The following EDDM3A variants were observed in gnomAD, a reference collection of about 807,000 sequenced individuals.
EDDM3A encodes the protein epididymal secretory protein E3-alpha.
For missense variants in EDDM3A, 199 were observed against 177.4 expected, an observed-to-expected ratio of 1.12 and a Z score of -0.69; for synonymous variants, 75 against 60.4, an observed-to-expected ratio of 1.24 and a Z score of -1.12.
chr14:20,745,784 A>T (rs1037429532), upstream of EDDM3A: 5 of 152,194 alleles, frequency 3.3e-5, no homozygotes, highest in Admixed American at 2.6e-4. Context: ...ATGAAACGAT[A>T]CAGGGACAAG....
chr14:20,741,114 AC>A (rs1480238393), upstream of EDDM3A, among the ~76,000 whole-genome samples: 1 of 152,128 alleles, frequency 6.6e-6, no homozygotes, highest in African/African-American at 2.4e-5. Context: ...CCATAATCCT[AC>A]CTGGACCAAT....
the EDDM3A span, among the ~76,000 whole-genome samples, chr14:20,737,309 A>G: frequency 0.4 from 61,375 of 151,788 alleles, 12,655 homozygotes; most frequent in Middle Eastern, 0.57. Flanking sequence ...TGATCTGCCC[A>G]CCTCGGCTTC....
upstream of EDDM3A, among the ~76,000 whole-genome samples, chr14:20,744,486 G>C (rs1028258345): frequency 2.0e-5 from 3 of 152,248 alleles, no homozygotes; most frequent in Admixed American, 1.3e-4. Context: ...ACTTTGACTA[G>C]TGTTGATGAA....
At chr14:20,742,581 A>C (rs951601008), upstream of EDDM3A, among the ~76,000 whole-genome samples, 2 of 151,420 alleles carry the variant, frequency 1.3e-5, no homozygotes, top group East Asian at 3.9e-4. Flanking sequence ...GTTTTTTTTT[A>C]GTTTTTGTTA....
chr14:20,747,611 C>A lies in EDDM3A; in HGVS notation c.31C>A (p.Leu11Ile), dbSNP rs777138112. The A allele has an allele frequency of 1.6e-5, 25 of 1,612,220 alleles. No homozygotes were observed. Among genetic ancestry groups the A allele is most frequent in the Non-Finnish European group, 2.1e-5 (25 of 1,179,036 alleles). Residue 11 changes from leucine (L) to isoleucine (I), a missense_variant, in exon 2 of 2, where the codon CTC becomes ATC. Transcript: ENST00000326842. MTSSLKIWGI[L>I]LALLCILCRL... ...ATCCTCTCTAAAGATTTGGGGCATA[C>A]TCTTGGCCCTGCTTTGCATCCTTTG...
chr14:20,741,090 C>T (rs1877422873), upstream of EDDM3A, among the ~76,000 whole-genome samples: 1 of 152,174 alleles, frequency 6.6e-6, no homozygotes, highest in African/African-American at 2.4e-5. Context: ...TTATTTTCTT[C>T]TATATCCTAT....
chr14:20,739,334 T>A, the EDDM3A span, among the ~76,000 whole-genome samples: 22 of 152,210 alleles, frequency 1.4e-4, no homozygotes, highest in African/African-American at 5.1e-4. Context: ...AAATCAGGGA[T>A]AAATATCAGA....
chr14:20,743,584 A>G (rs1157948417), upstream of EDDM3A, among the ~76,000 whole-genome samples: 1 of 152,196 alleles, frequency 6.6e-6, no homozygotes, highest in Non-Finnish European at 1.5e-5. Flanking sequence ...GAATTAACAG[A>G]AAATAATTAA....
At chr14:20,739,314 G>T in the EDDM3A span, among the ~76,000 whole-genome samples, 11 of 152,188 alleles carry the variant, frequency 7.2e-5, no homozygotes, top group Non-Finnish European at 1.5e-4. Flanking sequence ...GAATGAATAT[G>T]CAGCTACCCA....
At chr14:20,738,750 G>A in the EDDM3A span, among the ~76,000 whole-genome samples, 1 of 152,166 alleles carries the variant, frequency 6.6e-6, no homozygotes, top group Non-Finnish European at 1.5e-5. Flanking sequence ...TCTCACAGAG[G>A]TGGCTAGAGT....
chr14:20,740,847 C>T, the EDDM3A span, among the ~76,000 whole-genome samples: 1 of 139,402 alleles, frequency 7.2e-6, no homozygotes, highest in African/African-American at 3.4e-5. Context: ...ATGGCCTCCT[C>T]TTCTCACACC....
chr14:20,742,221 G>A (rs894581616), upstream of EDDM3A, among the ~76,000 whole-genome samples: 10 of 152,224 alleles, frequency 6.6e-5, no homozygotes, highest in Admixed American at 5.9e-4. Context: ...ATCCTGGGCA[G>A]ATGGGAAACC....
At chr14:20,745,565 A>G (rs970955389), upstream of EDDM3A, among the ~76,000 whole-genome samples, 6 of 150,594 alleles carry the variant, frequency 4.0e-5, no homozygotes, top group Non-Finnish European at 5.9e-5. Flanking sequence ...TGAAGTTCCC[A>G]TGTAACATAG....
the EDDM3A span, among the ~76,000 whole-genome samples, chr14:20,739,800 C>T: frequency 2.0e-5 from 3 of 152,200 alleles, no homozygotes; most frequent in East Asian, 5.8e-4. Context: ...CCACTTGGAG[C>T]AGCTTCCCTG....
chr14:20,747,603 G>C lies in EDDM3A; in HGVS notation c.23G>C (p.Trp8Ser), dbSNP rs374505218. Residue 8 changes from tryptophan to serine, a missense_variant, in exon 2 of 2, where the codon TGG (tryptophan) becomes TCG (serine). By Grantham distance (177) the Trp-to-Ser change is radical (BLOSUM62 -3). Coordinates refer to ENST00000326842, the MANE Select transcript of EDDM3A (RefSeq NM_006683.5). Reference sequence around the variant, plus strand: ...GAGATGACATCCTCTCTAAAGATTTGGGGCATACTCTTGGCCCTGCTTTGC... The same window carrying C: ...GAGATGACATCCTCTCTAAAGATTTCGGGCATACTCTTGGCCCTGCTTTGC... Reference protein sequence around the residue: MTSSLKIWGILLALLCIL... With the variant: MTSSLKISGILLALLCIL... 1.9e-6 allele frequency: 3 copies of C among 1,608,690 alleles called. No homozygotes were observed. The highest frequency in any genetic ancestry group is 2.5e-6 in the Non-Finnish European group (3 of 1,177,084).
upstream of EDDM3A, among the ~76,000 whole-genome samples, chr14:20,744,206 A>C (rs3827904): frequency 0.11 from 16,254 of 152,190 alleles, 942 homozygotes; most frequent in South Asian, 0.19. Context: ...CTGTCCCCCA[A>C]AGACCTAGAG....
chr14:20,743,507 G>A (rs1050619429), upstream of EDDM3A, among the ~76,000 whole-genome samples: 1 of 145,030 alleles, frequency 6.9e-6, no homozygotes, highest in Admixed American at 6.6e-5. Flanking sequence ...CTGAGATCAT[G>A]CCTGGACGAC....
the EDDM3A span, among the ~76,000 whole-genome samples, chr14:20,736,219 C>T: frequency 1.3e-5 from 2 of 151,970 alleles, no homozygotes; most frequent in African/African-American, 4.8e-5. Context: ...TAGCGATTAT[C>T]CTGCCACAGC....
At chr14:20,745,429 G>C (rs892932241), upstream of EDDM3A, among the ~76,000 whole-genome samples, 1 of 151,914 alleles carries the variant, frequency 6.6e-6, no homozygotes, top group Non-Finnish European at 1.5e-5. Flanking sequence ...AGGAGGTTGA[G>C]GCAAGAGAAT....
Sources: gnomAD v4.1 joint callset for allele counts (sites outside exome capture counted in the v4.1 genomes callset) on GRCh38, gnomAD v4.1.1 for gene constraint, MANE v1.5 for transcripts, NCBI Gene and HGNC (gene_info 2026-07-23, HGNC 2026-07-21) for gene names.